The following DNAH1 variants were observed in gnomAD, a reference collection of about 807,000 sequenced individuals.
The protein encoded by DNAH1 is axonemal beta dynein heavy chain 1.
DNAH1 carries 327 observed loss-of-function variants against 484.3 expected under a neutral mutation model. The ratio of observed to expected loss-of-function variants is 0.68; its 90% CI spans 0.62 to 0.74. The LOEUF is 0.74. Among genes scored for constraint, DNAH1 ranks in the 30% least tolerant of loss-of-function variants. DNAH1 has a pLI of 0.00. For synonymous variants in DNAH1, 2,192 were observed against 2,191.9 expected (o/e 1.00, Z 0.00); for missense variants, 5,052 against 5,546.8 (o/e 0.91, Z 2.83).
In DNAH1 at chr3:52,392,856, G is replaced by A. The variant is rs75513160; in HGVS notation, c.10305G>A (p.Thr3435=). 3.1e-3 allele frequency: 4,953 copies of A among 1,597,196 alleles called. 130 individuals are homozygous for A. In the African/African-American group the frequency reaches 0.055, roughly 18 times the overall value. ...IQAKVRIAEQ[T]EKDIDLTRME... is the part of the protein sequence containing the mutation. ...CCAAAGTCAGGATTGCAGAGCAGAC[G>A]GAGAAGGACATCGACCTGACGCGCA... Residue 3435 remains threonine, a synonymous_variant, in exon 65 of 78, where the codon ACG becomes ACA. Transcript: ENST00000420323.
In DNAH1 at chr3:52,386,164, A is replaced by T. The variant is rs181910198; in HGVS notation, c.8630A>T (p.Asp2877Val). 1.8e-4 allele frequency: 292 copies of T among 1,612,520 alleles called. No individual in the cohort carries two copies. In the African/African-American group the frequency reaches 3.4e-3, roughly 19 times the overall value. Residue 2877 changes from aspartate to valine, a missense_variant, in exon 55 of 78, where the codon GAT becomes GTT. Physicochemically the swap from Asp to Val is radical, Grantham distance 152. Coordinates refer to ENST00000420323, the MANE Select transcript of DNAH1 (RefSeq NM_015512.5). ...TMLTMEQIKV[D>V]TAIAEETRNS... ...CCCTATGTCTCCCATCCCCAGGTGG[A>T]TACGGCCATCGCCGAGGAGACCCGG...
chr3:52,326,629 T>G (rs1265304006), intron 4 of DNAH1, 106 bp from the exon 5 acceptor site: 1 of 1,382,860 alleles, frequency 7.2e-7, no homozygotes, highest in African/African-American at 1.4e-5. Flanking sequence ...GAGGGGTCTC[T>G]CGGCCACACC....
chr3:52,331,988 G>A (rs904380854), intron 7 of DNAH1, among the ~76,000 whole-genome samples, 154 bp from the exon 8 acceptor site: 21 of 152,098 alleles, frequency 1.4e-4, no homozygotes, highest in African/African-American at 3.4e-4. Flanking sequence ...AGGAAGTGTC[G>A]TCATGCCCAT....
chr3:52,396,828 A>G (rs1704652721), intron 72 of DNAH1, 31 bp downstream of exon 72: 1 of 1,612,044 alleles, frequency 6.2e-7, no homozygotes, highest in South Asian at 1.1e-5. Flanking sequence ...GGCCTGGGGG[A>G]CTGGGCACTT....
chr3:52,392,760 C>A, intron 64 of DNAH1, 70 bp from the exon 65 acceptor site: 2 of 1,359,570 alleles, frequency 1.5e-6, no homozygotes, highest in Non-Finnish European at 2.0e-6. Context: ...TCCCTGCCTG[C>A]CCTAGGCCTG....
At chr3:52,345,086 C>T (rs1259035873) in intron 9 of DNAH1, among the ~76,000 whole-genome samples, 1 of 152,216 alleles carries the variant, frequency 6.6e-6, no homozygotes, top group African/African-American at 2.4e-5. Context: ...ATGTCATGTA[C>T]TCCGGATGCA....
At chr3:52,398,309 G>T (rs1704731692) in intron 75 of DNAH1, 147 bp downstream of exon 75, 2 of 1,094,854 alleles carry the variant, frequency 1.8e-6, no homozygotes, top group Non-Finnish European at 2.5e-6. Flanking sequence ...TTGACACGGA[G>T]TCTCTCTCTG....
chr3:52,319,167 A>G (rs1278934631), intron 1 of DNAH1, among the ~76,000 whole-genome samples: 1 of 152,188 alleles, frequency 6.6e-6, no homozygotes, highest in Non-Finnish European at 1.5e-5. Context: ...AATTGGCAAT[A>G]ATAGTAGTAT....
At position 52,368,701 on chromosome 3, in the gene DNAH1, C is replaced by T. The variant is rs1216667208; in HGVS notation, c.5766-40C>T. On this transcript the variant is annotated intron_variant, in intron 36 of 77. Transcript: ENST00000420323. The surrounding 1 kb of genome is among the most constrained non-coding windows in gnomAD (Gnocchi z 4.4). ...GAGCCAGCTGTGCTCGAAGCACCGC[C>T]TCCCTGATGTTTCCAGCCCTCTCCT... is the stretch of plus-strand genomic sequence containing the variant. The T allele has an allele frequency of 1.3e-6, 2 of 1,588,936 alleles. No homozygotes were observed. The highest frequency in any genetic ancestry group is 4.5e-5 in the East Asian group (2 of 44,256).
Position 52,399,748 on chromosome 3 carries a change from G to T in DNAH1, c.12645G>T (p.Leu4215=), listed in dbSNP as rs1253382767. 6.2e-7 allele frequency: 1 copy of T among 1,614,000 alleles called. No homozygotes were observed. The highest frequency in any genetic ancestry group is 1.1e-5 in the South Asian group (1 of 91,088). ...AGGCCCAGGACCAGGACTTTTACCT[G>T]TGCCCCATCTACAAGACACTGACTC... is the stretch of plus-strand genomic sequence containing the variant. ...NRKAQDQDFY[L]CPIYKTLTRA... is the part of the protein sequence containing the mutation. The change falls in exon 77 of 78, where the codon CTG becomes CTT. Residue 4215 remains leucine (L), a synonymous_variant. Coordinates refer to ENST00000420323, the MANE Select transcript of DNAH1 (RefSeq NM_015512.5).
At chr3:52,315,205 A>G (rs1475001532), upstream of DNAH1, among the ~76,000 whole-genome samples, 1 of 152,056 alleles carries the variant, frequency 6.6e-6, no homozygotes, top group Non-Finnish European at 1.5e-5. Flanking sequence ...TTCTTGTGGC[A>G]TAGCTCAGAG....
intron 34 of DNAH1, among the ~76,000 whole-genome samples, chr3:52,365,915 C>A (rs2153224536): frequency 6.6e-6 from 1 of 152,366 alleles, no homozygotes; most frequent in African/African-American, 2.4e-5. Context: ...TTTGCCGTCC[C>A]TGGCTAATTG....
chr3:52,395,250 C>T lies in DNAH1; in HGVS notation c.10969-58C>T, dbSNP rs960419234. Reference sequence around the variant, plus strand: ...CTCTGAGAACCCCAGATCCCCCTCCCTTGCCCCGATCTCTCTGCAGCCCCA... The same window carrying T: ...CTCTGAGAACCCCAGATCCCCCTCCTTTGCCCCGATCTCTCTGCAGCCCCA... On this transcript the variant is annotated intron_variant, in intron 68 of 77. Transcript: ENST00000420323. The surrounding 1 kb of genome is among the most constrained non-coding windows in gnomAD (Gnocchi z 4.4). 3.2e-6 allele frequency: 5 copies of T among 1,578,628 alleles called. No individual in the cohort carries two copies. Among genetic ancestry groups the T allele is most frequent in the Non-Finnish European group, 4.3e-6 (5 of 1,160,594 alleles).
chr3:52,368,948 C>G lies in DNAH1; in HGVS notation c.5943+30C>G, dbSNP rs751130669. The G allele has an allele frequency of 6.2e-7, 1 of 1,604,308 alleles. No homozygotes were observed. The highest frequency in any genetic ancestry group is 8.5e-7 in the Non-Finnish European group (1 of 1,172,038). On this transcript the variant is annotated intron_variant, in intron 37 of 77. Transcript: ENST00000420323. The surrounding 1 kb of genome is among the most constrained non-coding windows in gnomAD (Gnocchi z 4.4). ...ACCTACCTGTCCACCTGCCCACTCT[C>G]CTCCAAGGCTGGGTGGGCCTGGAGG...
At chr3:52,389,673 T>C in intron 60 of DNAH1, 87 bp downstream of exon 60, 1 of 1,253,686 alleles carries the variant, frequency 8.0e-7, no homozygotes, top group South Asian at 3.4e-5. Context: ...CTTCCTACCC[T>C]GCTTTCCAGG....
In DNAH1 at chr3:52,364,781, CTGG is replaced by C; in HGVS notation, c.5332-51_5332-49del. 4 of 1,606,428 alleles carry C rather than the reference CTGG, an allele frequency of 2.5e-6. No individual in the cohort carries two copies. The African/African-American group carries it at 5.3e-5, about 21-fold the overall frequency. ...GAACTCTGGGAGGGCTCCTGGGCAG[CTGG>C]AGGGCAGCTGGCCCACTGCCCTGAA... On this transcript the variant is annotated intron_variant, in intron 33 of 77. Transcript: ENST00000420323. The surrounding 1 kb of genome is among the most constrained non-coding windows in gnomAD (Gnocchi z 4.2).
chr3:52,327,380 C>T, intron 5 of DNAH1, among the ~76,000 whole-genome samples: 1 of 152,176 alleles, frequency 6.6e-6, no homozygotes, highest in Non-Finnish European at 1.5e-5. Flanking sequence ...CCCTCCTCTC[C>T]TCTCTGCGGC....
upstream of DNAH1, among the ~76,000 whole-genome samples, chr3:52,315,691 A>G (rs1449144073): frequency 6.6e-6 from 1 of 152,220 alleles, no homozygotes; most frequent in Non-Finnish European, 1.5e-5. Flanking sequence ...CCCTCCCATC[A>G]CAAGAGGGGC....
chr3:52,396,222 C>G (rs952853975), intron 70 of DNAH1, 146 bp from the exon 71 acceptor site: 3 of 879,274 alleles, frequency 3.4e-6, no homozygotes, highest in Non-Finnish European at 3.4e-6. Context: ...CGTGAGCCAC[C>G]GCGCCCAGCC....
Sources: gnomAD v4.1 joint callset for allele counts (sites outside exome capture counted in the v4.1 genomes callset) on GRCh38, gnomAD v4.1.1 for gene constraint, Gnocchi (gnomAD v3.1) non-coding constraint, MANE v1.5 for transcripts, NCBI Gene and HGNC (gene_info 2026-07-23, HGNC 2026-07-21) for gene names.